The following PLK5 variants were observed in gnomAD, a reference collection of about 807,000 sequenced individuals.
PLK5 encodes the protein inactive serine/threonine-protein kinase PLK5.
Under a neutral mutation model 33.7 loss-of-function variants are expected in PLK5, and 28 were observed. That is an observed-to-expected ratio of 0.83 (90% CI 0.62 to 1.14). The LOEUF (loss-of-function observed/expected upper bound fraction) is 1.14, where lower values mean the gene tolerates loss of function less well. Among genes scored for constraint, PLK5 ranks in the 50% most tolerant of loss-of-function variants. PLK5 has a pLI of 0.00. For synonymous variants in PLK5, 225 were observed against 202.2 expected (o/e 1.11, Z -0.96); for missense variants, 492 against 461.5 (o/e 1.07, Z -0.61).
intron 12 of PLK5, among the ~76,000 whole-genome samples, chr19:1,532,122 T>C (rs8110745): frequency 0.51 from 76,723 of 151,806 alleles, 21,377 homozygotes; most frequent in East Asian, 0.85. Flanking sequence ...GGGGAAGGGG[T>C]CTCTGAGAAA....
At chr19:1,533,735 C>T (rs1913999588) in intron 12 of PLK5, 196 bp from the exon 13 acceptor site, 5 of 604,554 alleles carry the variant, frequency 8.3e-6, no homozygotes, top group African/African-American at 1.9e-5. Context: ...GTGCTACATG[C>T]CCAACTGCGG....
In PLK5 at chr19:1,529,822, C is replaced by T. The variant is rs143475861; in HGVS notation, c.566C>T (p.Pro189Leu). 9,471 of 1,535,470 alleles carry T rather than the reference C, an allele frequency of 6.2e-3. 66 individuals carry two copies. The highest frequency in any genetic ancestry group is 8.0e-3 in the Middle Eastern group (48 of 5,986). Residue 189 changes from proline to leucine, a missense_variant and splice_region_variant, in exon 11 of 14, where the codon CCG becomes CTG. Coordinates refer to ENST00000454744, the MANE Select transcript of PLK5 (RefSeq NM_001243079.2). ...HLQLCLDVGP[P>L]ATQDPLGEQQ... ...CAGCTGTGCCTGGATGTAGGCCCCCCGGGTAGGAGCCGGCCCAGCCCCCAG... is the reference window on the plus strand; with the variant it reads ...CAGCTGTGCCTGGATGTAGGCCCCCTGGGTAGGAGCCGGCCCAGCCCCCAG...
Position 1,527,981 on chromosome 19 carries a change from G to C in PLK5, c.48G>C (p.Leu16=). 1.3e-6 allele frequency: 2 copies of C among 1,535,970 alleles called. No individual in the cohort carries two copies. Among genetic ancestry groups the C allele is most frequent in the Non-Finnish European group, 1.7e-6 (2 of 1,146,840 alleles). The change falls in exon 7 of 14, where the codon CTG becomes CTC. Residue 16 remains leucine (L), a synonymous_variant. Coordinates refer to ENST00000454744, the MANE Select transcript of PLK5 (RefSeq NM_001243079.2). ...TGTPPFMASP[L]SEMYQNIREG... ...CCCCACCCTTCATGGCCTCACCCCTGTCGGAGATGTACCAAAACATCCGTG... is the reference window on the plus strand; with the variant it reads ...CCCCACCCTTCATGGCCTCACCCCTCTCGGAGATGTACCAAAACATCCGTG...
intron 11 of PLK5, among the ~76,000 whole-genome samples, chr19:1,531,324 G>A (rs896676998): frequency 9.2e-5 from 14 of 151,462 alleles, no homozygotes; most frequent in African/African-American, 2.7e-4. Context: ...GAGGAGAATC[G>A]CTTGAACCCA....
In PLK5 at chr19:1,524,389, G is replaced by A. The variant is rs2145536774; in HGVS notation, c.-544+143G>A. 1 of 152,266 alleles carries A rather than the reference G, an allele frequency of 6.6e-6. No individual in the cohort carries two copies. Among genetic ancestry groups the A allele is most frequent in the Admixed American group, 6.5e-5 (1 of 15,290 alleles). 9.4% of individuals were successfully genotyped at this position (152,266 alleles called of 1,614,324 possible). ...GAGCGGGCGCGCGTCCGGAGCCGCG[G>A]GGCCTCCCGTGCGGGGTTTCGCATG... is the stretch of plus-strand genomic sequence containing the variant. On this transcript the variant is annotated intron_variant, in intron 1 of 13. Coordinates refer to ENST00000454744, the MANE Select transcript of PLK5 (RefSeq NM_001243079.2). This position sits in a 1 kb window ranked among gnomAD's most constrained non-coding sequence, Gnocchi z 4.5.
chr19:1,528,471 G>GCCTCCCACCTGCTCACA lies in PLK5; in HGVS notation c.328+55_328+56insTCACACCTCCCACCTGC. The stretch of plus-strand genomic sequence containing the variant: ...CCACACCTGCCCAACACCTGCCCAC[G>GCCTCCCACCTGCTCACA]CCTCCCACCTGCCCACACCTCCCAC... On this transcript the variant is annotated intron_variant, in intron 8 of 13. Coordinates refer to ENST00000454744, the MANE Select transcript of PLK5 (RefSeq NM_001243079.2). 3 of 1,331,262 alleles carry GCCTCCCACCTGCTCACA rather than the reference G, an allele frequency of 2.3e-6. 1 individual carries two copies. The highest frequency in any genetic ancestry group is 2.9e-6 in the Non-Finnish European group (3 of 1,027,938). 82.5% of individuals were successfully genotyped at this position (1,331,262 alleles called of 1,614,324 possible).
At chr19:1,530,443 G>A (rs759656775) in intron 11 of PLK5, among the ~76,000 whole-genome samples, 2 of 151,552 alleles carry the variant, frequency 1.3e-5, no homozygotes, top group Non-Finnish European at 2.9e-5. Flanking sequence ...GATTACAGGC[G>A]TGTGCCACCA....
intron 12 of PLK5, among the ~76,000 whole-genome samples, chr19:1,532,518 CTTCTT>C (rs939032003): frequency 1.2e-4 from 14 of 121,656 alleles, no homozygotes; most frequent in African/African-American, 5.1e-4. Context: ...ACAAAATTTT[CTTCTT>C]TTTTTTTTTT....
In PLK5 at chr19:1,524,201, C is replaced by A. The variant is rs1380166061; in HGVS notation, c.-589C>A. 2 of 150,658 alleles carry A rather than the reference C, an allele frequency of 1.3e-5. No individual in the cohort carries two copies. Among genetic ancestry groups the A allele is most frequent in the Non-Finnish European group, 3.0e-5 (2 of 67,436 alleles). The allele number at this position is 150,658 out of a possible 1,614,324, so 9.3% of individuals were successfully genotyped here. A position where few individuals can be genotyped will look rare whatever the true frequency, so the allele number is the denominator to read the frequency against. On this transcript the variant is annotated 5_prime_UTR_variant, in exon 1 of 14. Coordinates refer to ENST00000454744, the MANE Select transcript of PLK5 (RefSeq NM_001243079.2). The surrounding 1 kb of genome is among the most constrained non-coding windows in gnomAD (Gnocchi z 4.5). ...CCCTGGTCGCCGCCTTCCTGCGAGA[C>A]CCGGGCTCGGGCCGCGTGTACAGGC... is the stretch of plus-strand genomic sequence containing the variant.
In PLK5 at chr19:1,534,049, C is replaced by G. The variant is rs767645700; in HGVS notation, c.825+8C>G. The G allele has an allele frequency of 2.6e-6, 4 of 1,533,166 alleles. No homozygotes were observed. Among genetic ancestry groups the G allele is most frequent in the Non-Finnish European group, 3.5e-6 (4 of 1,145,222 alleles). 95.0% of individuals were successfully genotyped at this position (1,533,166 alleles called of 1,614,324 possible). A position where few individuals can be genotyped will look rare whatever the true frequency, so the allele number is the denominator to read the frequency against. On this transcript the variant is annotated splice_region_variant and intron_variant, in intron 13 of 13. Coordinates refer to ENST00000454744, the MANE Select transcript of PLK5 (RefSeq NM_001243079.2). The stretch of plus-strand genomic sequence containing the variant: ...AGCAATGGGATGGTGCAGGTGAGCC[C>G]GGGGCTCAAACTCGGGGCACTGGGG...
Position 1,526,740 on chromosome 19 carries a change from T to G in PLK5, c.-146T>G. 1.7e-5 allele frequency: 9 copies of G among 541,446 alleles called. No homozygotes were observed. Among genetic ancestry groups the G allele is most frequent in the East Asian group, 6.7e-5 (2 of 29,784 alleles). The allele number at this position is 541,446 out of a possible 1,614,324, so 33.5% of individuals were successfully genotyped here. On this transcript the variant is annotated 5_prime_UTR_variant, in exon 5 of 14. Transcript: ENST00000454744. ...CTTAACAAGAACATGGAGGTGAAGA[T>G]TGGAGACCTGGGACTGGCGGCCAAG...
At chr19:1,527,525 T>G (rs185202308) in intron 6 of PLK5, among the ~76,000 whole-genome samples, 97 of 151,904 alleles carry the variant, frequency 6.4e-4, no homozygotes, top group African/African-American at 2.2e-3. Flanking sequence ...TTGCTTGAGC[T>G]CAGGAGGTGG....
intron 11 of PLK5, among the ~76,000 whole-genome samples, chr19:1,530,843 C>T (rs1393824461): frequency 5.9e-5 from 9 of 151,326 alleles, no homozygotes; most frequent in African/African-American, 2.2e-4. Flanking sequence ...TGGTCTCGAT[C>T]TCCTGACCTC....
chr19:1,532,710 C>T (rs370405098), intron 12 of PLK5, among the ~76,000 whole-genome samples: 17 of 151,820 alleles, frequency 1.1e-4, no homozygotes, highest in East Asian at 7.7e-4. Flanking sequence ...TTATTAGAGA[C>T]GGGGTTTCTC....
In PLK5 at chr19:1,535,604, C is replaced by T. The variant is rs1459445805; in HGVS notation, c.*354C>T. 2 of 261,936 alleles carry T rather than the reference C, an allele frequency of 7.6e-6. No individual in the cohort carries two copies. The highest frequency in any genetic ancestry group is 4.8e-5 in the South Asian group (1 of 20,824). The allele number at this position is 261,936 out of a possible 1,614,324, so 16.2% of individuals were successfully genotyped here. On this transcript the variant is annotated 3_prime_UTR_variant, in exon 14 of 14. Transcript: ENST00000454744. ...CTAATGCAGACATTAGCACCAGAGG[C>T]CAGTGTAGTGGCTCATGCCTGGAAT...
intron 11 of PLK5, among the ~76,000 whole-genome samples, chr19:1,530,342 G>C (rs1443700577): frequency 2.0e-5 from 3 of 151,902 alleles, no homozygotes; most frequent in Non-Finnish European, 2.9e-5. Context: ...TGTTGCCTAG[G>C]CTGGAGTGCA....
At chr19:1,529,701 G>A in intron 10 of PLK5, 46 bp from the exon 11 acceptor site, 2 of 1,524,742 alleles carry the variant, frequency 1.3e-6, no homozygotes, top group Middle Eastern at 1.7e-4. Context: ...AGAGCCTGGT[G>A]GTGGGAACCC....
chr19:1,530,016 C>G (rs2668410), intron 11 of PLK5, among the ~76,000 whole-genome samples, 192 bp downstream of exon 11: 105,869 of 152,074 alleles, frequency 0.7, 38,890 homozygotes, highest in East Asian at 0.93. Context: ...GAGGGCTCTG[C>G]GGCAGCCTTA....
At position 1,534,017 on chromosome 19, in the gene PLK5, G is replaced by T; in HGVS notation, c.801G>T (p.Leu267=). The T allele has an allele frequency of 6.5e-7, 1 of 1,535,674 alleles. No individual in the cohort carries two copies. Among genetic ancestry groups the T allele is most frequent in the Non-Finnish European group, 8.7e-7 (1 of 1,146,782 alleles). The stretch of plus-strand genomic sequence containing the variant: ...TGGCCTCTGAGCACGCCCTGCTGCT[G>T]CTGTTCAGCAATGGGATGGTGCAGG... ...RFLASEHALL[L]LFSNGMVQVS... Residue 267 remains leucine, a synonymous_variant, in exon 13 of 14, where the codon CTG becomes CTT. Transcript: ENST00000454744.
Sources: allele counts gnomAD v4.1 joint callset (sites outside exome capture counted in the v4.1 genomes callset), GRCh38; gene constraint gnomAD v4.1.1; non-coding constraint Gnocchi (gnomAD v3.1); transcripts MANE v1.5; gene names NCBI Gene and HGNC (gene_info 2026-07-23, HGNC 2026-07-21).